The following CARF variants were observed in gnomAD, a reference collection of about 807,000 sequenced individuals.
CARF encodes the protein calcium responsive transcription factor, also known as calcium-responsive transcription factor.
A neutral mutation model predicts 82.0 loss-of-function variants in CARF; 57 were observed. That is an observed-to-expected ratio of 0.70 (90% CI 0.56 to 0.87). CARF has a LOEUF of 0.87. Among genes scored for constraint, CARF ranks in the 40% least tolerant of loss-of-function variants. The pLI is 0.00. For missense variants in CARF, 771 were observed against 855.8 expected (o/e 0.90, Z 1.24); for synonymous variants, 268 against 290.1 (o/e 0.92, Z 0.77).
At chr2:202,951,532 C>G (rs544506838) in intron 5 of CARF, among the ~76,000 whole-genome samples, 1 of 152,064 alleles carries the variant, frequency 6.6e-6, no homozygotes, top group Admixed American at 6.5e-5. Flanking sequence ...TGCTTCCAGA[C>G]TTTTTGGAAG....
chr2:202,963,090 G>C (rs1047702212), intron 9 of CARF: 2 of 152,126 alleles, frequency 1.3e-5, no homozygotes, highest in Non-Finnish European at 2.9e-5. Flanking sequence ...AGGCCGAGGC[G>C]GGTGGATCAC....
intron 10 of CARF, among the ~76,000 whole-genome samples, chr2:202,969,577 AAAAAT>A (rs1332971285): frequency 1.0e-4 from 7 of 70,062 alleles, no homozygotes; most frequent in African/African-American, 3.9e-4. Flanking sequence ...CTCCATCTCA[AAAAAT>A]AAATAAATAA....
intron 16 of CARF, 40 bp downstream of exon 16, chr2:202,982,481 T>C (rs767264873): frequency 1.9e-6 from 3 of 1,603,780 alleles, no homozygotes; most frequent in Non-Finnish European, 2.6e-6. Flanking sequence ...GTTGTAACCT[T>C]TGTGGATTAT....
intron 1 of CARF, among the ~76,000 whole-genome samples, chr2:202,915,232 G>C (rs1246330320): frequency 1.3e-5 from 2 of 151,934 alleles, no homozygotes; most frequent in African/African-American, 4.8e-5. Flanking sequence ...GGCCGGGATG[G>C]TCTCGATCCC....
intron 3 of CARF, among the ~76,000 whole-genome samples, chr2:202,930,341 C>G (rs1393044119): frequency 6.6e-6 from 1 of 152,248 alleles, no homozygotes; most frequent in Non-Finnish European, 1.5e-5. Flanking sequence ...GCCACCACAC[C>G]TGGCCTCGTT....
chr2:202,969,059 G>A (rs906595103), intron 10 of CARF, among the ~76,000 whole-genome samples: 3 of 152,182 alleles, frequency 2.0e-5, no homozygotes, highest in Non-Finnish European at 4.4e-5. Context: ...GGAGGCTGTG[G>A]TGGGCGGATC....
Position 202,952,643 on chromosome 2 carries a change from C to A in CARF, c.391C>A (p.Pro131Thr), listed in dbSNP as rs1236943005. ...TQTGMAQVII[P>T]QGQLVDVNSP... ...GACAGGAATGGCACAAGTGATTATA[C>A]CTCAGGGGCAACTTGTGGATGTGAA... The change falls in exon 6 of 17, where the codon CCT becomes ACT. Residue 131 changes from proline to threonine, a missense_variant. By Grantham distance (38) the Pro-to-Thr change is conservative. Coordinates refer to ENST00000438828, the MANE Select transcript of CARF (RefSeq NM_024744.17). The A allele has an allele frequency of 5.0e-6, 8 of 1,613,452 alleles. No homozygotes were observed. The East Asian group carries it at 1.6e-4, about 31-fold the overall frequency.
Position 202,971,609 on chromosome 2 carries a change from A to C in CARF, c.1202A>C (p.Glu401Ala). The change falls in exon 12 of 17, where the codon GAA becomes GCA. Residue 401 changes from glutamate to alanine, a missense_variant. By Grantham distance (107) the Glu-to-Ala change is moderately radical. Transcript: ENST00000438828. ...CCTTTTCCTGTGTCTTCTCTTGAAG[A>C]AGAGGAAACTGCAGTTAGAGATGAG... ...PSPFPVSSLEEEETAVRDENC... is the reference protein window; with the variant it reads ...PSPFPVSSLEAEETAVRDENC... 1 of 1,613,654 alleles carries C rather than the reference A, an allele frequency of 6.2e-7. No individual in the cohort carries two copies.
Position 202,949,747 on chromosome 2 carries a change from A to C in CARF, c.307-2812A>C, listed in dbSNP as rs1469777446. Among the ~76,000 whole-genome samples the C allele has an allele frequency of 3.9e-5, 6 of 151,942 alleles. No individual in the cohort carries two copies. In the East Asian group the frequency reaches 1.2e-3, roughly 29 times the overall value. ...AGTATTTTTAGTAGAGACGGGTTTCATCATGTTGGCTAGGCTAGTCTCAAA... is the reference window on the plus strand; with the variant it reads ...AGTATTTTTAGTAGAGACGGGTTTCCTCATGTTGGCTAGGCTAGTCTCAAA... On this transcript the variant is annotated intron_variant, in intron 5 of 16. Transcript: ENST00000438828.
intron 13 of CARF, 94 bp from the exon 14 acceptor site, chr2:202,977,175 T>A: frequency 1.1e-6 from 1 of 887,766 alleles, no homozygotes; most frequent in African/African-American, 1.7e-5. Context: ...ATAAATCACA[T>A]ACTGTGAATA....
intron 6 of CARF, among the ~76,000 whole-genome samples, chr2:202,953,505 T>TTTG (rs1288301581): frequency 1.6e-4 from 24 of 145,874 alleles, no homozygotes; most frequent in Non-Finnish European, 2.9e-4. Context: ...GTTGTTTTTT[T>TTTG]TTTTTTTTTT....
intron 3 of CARF, among the ~76,000 whole-genome samples, chr2:202,938,726 A>G (rs1559209784): frequency 6.0e-5 from 9 of 151,186 alleles, no homozygotes; most frequent in Admixed American, 4.0e-4. Flanking sequence ...ATCATATACA[A>G]TTGTTTATTG....
intron 15 of CARF, 70 bp from the exon 16 acceptor site, chr2:202,982,002 T>A: frequency 6.8e-7 from 1 of 1,474,538 alleles, no homozygotes; most frequent in East Asian, 2.3e-5. Context: ...GTCAAAAGAA[T>A]TGTATATCCT....
intron 9 of CARF, among the ~76,000 whole-genome samples, chr2:202,965,093 C>T (rs895956136): frequency 6.6e-6 from 1 of 152,002 alleles, no homozygotes; most frequent in Admixed American, 6.6e-5. Flanking sequence ...GTTAATAAAT[C>T]TCTTAAACTT....
chr2:202,940,596 A>G (rs1329249062), intron 3 of CARF, among the ~76,000 whole-genome samples: 1 of 152,092 alleles, frequency 6.6e-6, no homozygotes, highest in African/African-American at 2.4e-5. Flanking sequence ...TTCTCCAAAT[A>G]GTAGCTGCAT....
Position 202,983,060 on chromosome 2 carries a change from A to AT in CARF, c.2060-434dup, listed in dbSNP as rs1308153676. On this transcript the variant is annotated intron_variant, in intron 16 of 16. Transcript: ENST00000438828. ...GCCACCATACTGGGCAAATTCTTTA[A>AT]TTTTTTTTTTTTAAACCAGCCTGTT... Among the ~76,000 whole-genome samples, 1,074 of 147,120 alleles carry AT rather than the reference A, an allele frequency of 7.3e-3. 5 individuals carry two copies. Among genetic ancestry groups the AT allele is most frequent in the Middle Eastern group, 0.011 (3 of 284 alleles).
chr2:202,974,690 G>C (rs1049858407), intron 13 of CARF, among the ~76,000 whole-genome samples, 194 bp downstream of exon 13: 14 of 152,076 alleles, frequency 9.2e-5, no homozygotes, highest in Non-Finnish European at 1.6e-4. Flanking sequence ...CCTGCGGTCA[G>C]AAGTTTGAGA....
rs547852590 is a variant in CARF, at chr2:202,958,062, G to C, written c.642+2304G>C. Among the ~76,000 whole-genome samples, 3 of 152,266 alleles carry C rather than the reference G, an allele frequency of 2.0e-5. No individual in the cohort carries two copies. The East Asian group carries it at 5.8e-4, about 29-fold the overall frequency. On this transcript the variant is annotated intron_variant, in intron 8 of 16. Coordinates refer to ENST00000438828, the MANE Select transcript of CARF (RefSeq NM_024744.17). Reference sequence around the variant, plus strand: ...CTCTATATACAAACCATAGATGGTAGTGAATATTTAACTATCAGAATGCTT... The same window carrying C: ...CTCTATATACAAACCATAGATGGTACTGAATATTTAACTATCAGAATGCTT...
In CARF at chr2:202,986,893, T is replaced by TACAC. The variant is rs1559299274; in HGVS notation, c.*3270_*3271insCACA. 7.5e-6 allele frequency: 1 copy of TACAC among 132,554 alleles called. No homozygotes were observed. Among genetic ancestry groups the TACAC allele is most frequent in the Non-Finnish European group, 1.6e-5 (1 of 61,260 alleles). 8.2% of individuals were successfully genotyped at this position (132,554 alleles called of 1,614,324 possible). On this transcript the variant is annotated 3_prime_UTR_variant, in exon 17 of 17. Coordinates refer to ENST00000438828, the MANE Select transcript of CARF (RefSeq NM_024744.17). ...GTATATATATATATATATATATATA[T>TACAC]ATATATATATATATAGCAACTTGAT...
Sources: allele counts gnomAD v4.1 joint callset (sites outside exome capture counted in the v4.1 genomes callset), GRCh38; gene constraint gnomAD v4.1.1; transcripts MANE v1.5; gene names NCBI Gene and HGNC (gene_info 2026-07-23, HGNC 2026-07-21).